Variants in MAP2K5 observed in about 807,000 individuals in gnomAD.
The protein encoded by MAP2K5 is dual specificity mitogen-activated protein kinase kinase 5.
A neutral mutation model predicts 83.1 loss-of-function variants in MAP2K5; 49 were observed. That is an observed-to-expected ratio of 0.59 (90% CI 0.47 to 0.75). The LOEUF (loss-of-function observed/expected upper bound fraction) is 0.75, where lower values mean the gene tolerates loss of function less well. MAP2K5 is among the 30% of genes least tolerant of loss of function. MAP2K5 has a pLI of 0.00. For synonymous variants in MAP2K5, 202 were observed against 191.8 expected (o/e 1.05, Z -0.44); for missense variants, 457 against 557.5 (o/e 0.82, Z 1.82).
intron 17 of MAP2K5, among the ~76,000 whole-genome samples, chr15:67,741,168 G>A (rs1423422081): frequency 1.3e-5 from 2 of 152,126 alleles, no homozygotes; most frequent in Non-Finnish European, 2.9e-5. Flanking sequence ...ACTTTATGAG[G>A]AACATACACA....
chr15:67,587,725 G>C lies in MAP2K5; in HGVS notation c.431+812G>C, dbSNP rs1338829212. 6.6e-6 allele frequency among the ~76,000 whole-genome samples: 1 copy of C among 152,154 alleles called. No individual in the cohort carries two copies. Among genetic ancestry groups the C allele is most frequent in the Non-Finnish European group, 1.5e-5 (1 of 68,032 alleles). On this transcript the variant is annotated intron_variant, in intron 6 of 21. Transcript: ENST00000178640. The surrounding 1 kb of genome is among the most constrained non-coding windows in gnomAD (Gnocchi z 4.8). Reference sequence around the variant, plus strand: ...CTCTTCCAGGTCAACAGCTCTTCCAGTTGTCTTCCCTCCAAACACAGTTCT... The same window carrying C: ...CTCTTCCAGGTCAACAGCTCTTCCACTTGTCTTCCCTCCAAACACAGTTCT...
At chr15:67,707,995 C>G (rs914063218) in intron 16 of MAP2K5, among the ~76,000 whole-genome samples, 14 of 152,066 alleles carry the variant, frequency 9.2e-5, no homozygotes, top group Non-Finnish European at 1.9e-4. Flanking sequence ...GGAAACCGAG[C>G]AAAGGAATTT....
In MAP2K5 at chr15:67,622,498, G is replaced by T. The variant is rs552937883; in HGVS notation, c.546-8390G>T. Among the ~76,000 whole-genome samples, 7 of 152,076 alleles carry T rather than the reference G, an allele frequency of 4.6e-5. No homozygotes were observed. In the South Asian group the frequency reaches 1.2e-3, roughly 27 times the overall value. On this transcript the variant is annotated intron_variant, in intron 8 of 21. Coordinates refer to ENST00000178640, the MANE Select transcript of MAP2K5 (RefSeq NM_145160.3). ...TGAGTATAATAACTTCTACTCATAA[G>T]ATTATGAAGTTAATGAATTAAATGC...
At chr15:67,682,363 A>G (rs1162017568) in intron 13 of MAP2K5, among the ~76,000 whole-genome samples, 1 of 152,062 alleles carries the variant, frequency 6.6e-6, no homozygotes, top group Non-Finnish European at 1.5e-5. Context: ...AGCTGGGACT[A>G]CAGGCACACG....
At chr15:67,653,140 T>C (rs1358716530) in intron 11 of MAP2K5, among the ~76,000 whole-genome samples, 3 of 152,148 alleles carry the variant, frequency 2.0e-5, no homozygotes, top group Non-Finnish European at 4.4e-5. Context: ...TGATACACAG[T>C]TCTGAAAAAT....
chr15:67,674,409 TA>T (rs770629771), intron 13 of MAP2K5, among the ~76,000 whole-genome samples: 1 of 152,112 alleles, frequency 6.6e-6, no homozygotes, highest in South Asian at 2.1e-4. Context: ...TTAAATATAA[TA>T]AATATTAATC....
intron 21 of MAP2K5, among the ~76,000 whole-genome samples, chr15:67,800,940 G>C (rs1366523505): frequency 6.6e-6 from 1 of 152,212 alleles, no homozygotes; most frequent in Non-Finnish European, 1.5e-5. Flanking sequence ...CAAGGTAACA[G>C]ATCACCAGTA....
chr15:67,730,631 A>G (rs1281091677), intron 17 of MAP2K5, among the ~76,000 whole-genome samples: 1 of 152,228 alleles, frequency 6.6e-6, no homozygotes, highest in Admixed American at 6.5e-5. Flanking sequence ...GCTGAGAACT[A>G]TCTCATCCTA....
chr15:67,704,577 G>A (rs2088504931), intron 16 of MAP2K5, among the ~76,000 whole-genome samples: 1 of 152,096 alleles, frequency 6.6e-6, no homozygotes, highest in Non-Finnish European at 1.5e-5. Flanking sequence ...TAGAAAGAAA[G>A]CAAAAATAAA....
chr15:67,633,115 G>A (rs997051959), intron 9 of MAP2K5, among the ~76,000 whole-genome samples: 4 of 152,236 alleles, frequency 2.6e-5, no homozygotes, highest in East Asian at 3.9e-4. Context: ...CACCGAGCGC[G>A]GCCCAGTCGT....
intron 7 of MAP2K5, among the ~76,000 whole-genome samples, chr15:67,600,019 CTT>C (rs1336805123): frequency 6.6e-6 from 1 of 152,058 alleles, no homozygotes; most frequent in African/African-American, 2.4e-5. Context: ...ACGAAAATGA[CTT>C]TAATAAAAAT....
chr15:67,797,376 G>A (rs1408621358), intron 21 of MAP2K5, among the ~76,000 whole-genome samples: 1 of 152,156 alleles, frequency 6.6e-6, no homozygotes, highest in East Asian at 1.9e-4. Flanking sequence ...GTCTGTGAAT[G>A]GTAAAACAGT....
chr15:67,648,017 G>A (rs1270777637), intron 11 of MAP2K5, among the ~76,000 whole-genome samples: 1 of 152,112 alleles, frequency 6.6e-6, no homozygotes, highest in African/African-American at 2.4e-5. Flanking sequence ...TCCAGTCTAG[G>A]CAACAGAGTG....
At position 67,736,825 on chromosome 15, in the gene MAP2K5, A is replaced by G. The variant is rs1363098462; in HGVS notation, c.1074+8880A>G. Among the ~76,000 whole-genome samples, 1 of 152,202 alleles carries G rather than the reference A, an allele frequency of 6.6e-6. No individual in the cohort carries two copies. The highest frequency in any genetic ancestry group is 1.5e-5 in the Non-Finnish European group (1 of 68,034). On this transcript the variant is annotated intron_variant, in intron 17 of 21. Coordinates refer to ENST00000178640, the MANE Select transcript of MAP2K5 (RefSeq NM_145160.3). The surrounding 1 kb of genome is among the most constrained non-coding windows in gnomAD (Gnocchi z 4.3). ...CTCTCCCTCTTAAGCTCTGCGGTCC[A>G]CTAGGCCTTCCACTTCTCTCCCTTT...
rs1210254271 is a variant in MAP2K5 at position 67,758,895 on chromosome 15, G to GT, written c.1134+10300dup. Among the ~76,000 whole-genome samples the GT allele has an allele frequency of 1.3e-5, 2 of 152,176 alleles. No homozygotes were observed. Among genetic ancestry groups the GT allele is most frequent in the Non-Finnish European group, 1.5e-5 (1 of 68,034 alleles). ...GAACATTTTGGCATCAAAGGAAGAG[G>GT]TTTTTTATACAGCTGTGAAAGAAGA... On this transcript the variant is annotated intron_variant, in intron 19 of 21. Transcript: ENST00000178640. The surrounding 1 kb of genome is among the most constrained non-coding windows in gnomAD (Gnocchi z 4.7).
intron 12 of MAP2K5, among the ~76,000 whole-genome samples, chr15:67,662,744 T>G (rs1006753041): frequency 5.3e-5 from 8 of 152,134 alleles, no homozygotes; most frequent in Admixed American, 1.3e-4. Context: ...TTCAACTAAT[T>G]ACTCTTAACT....
intron 9 of MAP2K5, among the ~76,000 whole-genome samples, chr15:67,635,722 A>AT (rs1184367913): frequency 6.6e-6 from 1 of 151,820 alleles, no homozygotes; most frequent in Non-Finnish European, 1.5e-5. Context: ...AGGCATTTTA[A>AT]TTTTTGCTAA....
chr15:67,782,017 C>G lies in MAP2K5; in HGVS notation c.1242+9265C>G, dbSNP rs1452020554. On this transcript the variant is annotated intron_variant, in intron 21 of 21. Transcript: ENST00000178640. The surrounding 1 kb of genome is among the most constrained non-coding windows in gnomAD (Gnocchi z 4.9). ...CTTTATTTGGCTGGACTGCTTTAGC[C>G]TCTTGTTCAGATTTTTCCATCAAAG... 6.6e-6 allele frequency among the ~76,000 whole-genome samples: 1 copy of G among 152,218 alleles called. No individual in the cohort carries two copies. Among genetic ancestry groups the G allele is most frequent in the African/African-American group, 2.4e-5 (1 of 41,454 alleles).
At chr15:67,612,907 G>T (rs2085961571) in intron 8 of MAP2K5, among the ~76,000 whole-genome samples, 1 of 152,142 alleles carries the variant, frequency 6.6e-6, no homozygotes, top group Non-Finnish European at 1.5e-5. Context: ...ATTGATTTTG[G>T]CTGAAGCTGA....
Sources: allele counts gnomAD v4.1 joint callset (sites outside exome capture counted in the v4.1 genomes callset), GRCh38; gene constraint gnomAD v4.1.1; non-coding constraint Gnocchi (gnomAD v3.1); transcripts MANE v1.5; gene names NCBI Gene and HGNC (gene_info 2026-07-23, HGNC 2026-07-21).